NAV2: variants seen among roughly 807,000 people sequenced by gnomAD.
The protein encoded by NAV2 is neuron navigator 2.
A neutral mutation model predicts 223.2 loss-of-function variants in NAV2; 54 were observed. The ratio of observed to expected loss-of-function variants is 0.24; its 90% CI spans 0.19 to 0.30. The LOEUF (loss-of-function observed/expected upper bound fraction) is 0.30. Among genes scored for constraint, NAV2 ranks in the 10% least tolerant of loss-of-function variants. The probability of loss-of-function intolerance (pLI) is 1.00; values close to 1 mark genes in which losing one functional copy is unlikely to be tolerated. For missense variants in NAV2, 2,806 were observed against 3,147.5 expected (o/e 0.89, Z 2.60); for synonymous variants, 1,279 against 1,239.3 (o/e 1.03, Z -0.67).
At chr11:19,515,855 T>C (rs1226413674) in intron 1 of NAV2, among the ~76,000 whole-genome samples, 1 of 152,186 alleles carries the variant, frequency 6.6e-6, no homozygotes, top group African/African-American at 2.4e-5. Flanking sequence ...TGTTGGTTGA[T>C]GGGATGAGGC....
At chr11:19,388,154 C>A (rs117548208) in intron 1 of NAV2, among the ~76,000 whole-genome samples, 1 of 152,158 alleles carries the variant, frequency 6.6e-6, no homozygotes, top group Admixed American at 6.6e-5. Context: ...ATGGAAGGAA[C>A]GGGGTCAAGG....
At chr11:19,526,703 A>G (rs559209400) in intron 1 of NAV2, among the ~76,000 whole-genome samples, 1 of 152,230 alleles carries the variant, frequency 6.6e-6, no homozygotes, top group South Asian at 2.1e-4. Context: ...GCTCTCCTAC[A>G]GTCCCCTGAC....
intron 1 of NAV2, among the ~76,000 whole-genome samples, chr11:19,747,490 A>G (rs1482914723): frequency 6.6e-6 from 1 of 152,154 alleles, no homozygotes; most frequent in African/African-American, 2.4e-5. Flanking sequence ...TTCATTACAC[A>G]TTGTCAACAC....
chr11:19,476,285 A>G (rs60001111), intron 1 of NAV2, among the ~76,000 whole-genome samples: 16 of 152,150 alleles, frequency 1.1e-4, no homozygotes, highest in African/African-American at 3.4e-4. Context: ...TTCTTACACT[A>G]TTGTTTCTCT....
intron 11 of NAV2, among the ~76,000 whole-genome samples, chr11:20,019,816 C>T (rs578209471): frequency 6.6e-6 from 1 of 151,982 alleles, no homozygotes; most frequent in Non-Finnish European, 1.5e-5. Context: ...AGGGTAAGGA[C>T]AGAGAGTTGA....
At chr11:20,043,335 T>C (rs1255075762) in intron 12 of NAV2, among the ~76,000 whole-genome samples, 2 of 152,200 alleles carry the variant, frequency 1.3e-5, no homozygotes, top group African/African-American at 4.8e-5. Flanking sequence ...AAATAGGTGG[T>C]GGCTGAATTC....
intron 1 of NAV2, among the ~76,000 whole-genome samples, chr11:19,723,120 C>T (rs942196912): frequency 2.8e-4 from 43 of 152,046 alleles, no homozygotes; most frequent in African/African-American, 9.6e-4. Flanking sequence ...GGATGGAGGA[C>T]CTGAGAAGGG....
At chr11:19,575,321 G>A (rs774299284) in intron 1 of NAV2, 10 of 154,270 alleles carry the variant, frequency 6.5e-5, no homozygotes, top group Non-Finnish European at 1.0e-4. Context: ...CATGCTGGGC[G>A]AGGCTGGCAT....
rs527572582 is a variant in NAV2, at chr11:19,672,742, C to G, written c.76-159742C>G. 1.2e-3 allele frequency among the ~76,000 whole-genome samples: 183 copies of G among 152,228 alleles called. 1 individual carries two copies. The South Asian group carries it at 0.012, about 10-fold the overall frequency. On this transcript the variant is annotated intron_variant, in intron 1 of 37. Coordinates refer to the NAV2 transcript ENST00000360655. ...CACCTCCCACACCAACCAGCTCAGG[C>G]TCAGGATAGGCCCATGGGCAGGTTG...
At chr11:19,411,725 G>T (rs1232225960) in intron 1 of NAV2, among the ~76,000 whole-genome samples, 2 of 151,996 alleles carry the variant, frequency 1.3e-5, no homozygotes, top group Non-Finnish European at 2.9e-5. Context: ...GATAGCCAAG[G>T]GCTATCTAAA....
chr11:19,652,763 C>G (rs915147102), intron 1 of NAV2, among the ~76,000 whole-genome samples: 2 of 152,210 alleles, frequency 1.3e-5, no homozygotes, highest in African/African-American at 4.8e-5. Flanking sequence ...AAATGACTAC[C>G]AAGCTTTTTT....
At position 20,041,698 on chromosome 11, in the gene NAV2, G is replaced by T. The variant is rs751592713; in HGVS notation, c.2908-2283G>T. Among the ~76,000 whole-genome samples, 5 of 152,296 alleles carry T rather than the reference G, an allele frequency of 3.3e-5. No individual in the cohort carries two copies. In the South Asian group the frequency reaches 8.3e-4, roughly 25 times the overall value. On this transcript the variant is annotated intron_variant, in intron 12 of 37. Coordinates refer to ENST00000349880, the MANE Select transcript of NAV2 (RefSeq NM_145117.5). ...TAGTGCGAATAAGCTTTCCTGGCACGTAGTGGCACCCAATAAATATTTGTG... is the reference window on the plus strand; with the variant it reads ...TAGTGCGAATAAGCTTTCCTGGCACTTAGTGGCACCCAATAAATATTTGTG...
intron 11 of NAV2, 95 bp downstream of exon 11, chr11:19,984,342 A>C: frequency 6.4e-7 from 1 of 1,574,194 alleles, no homozygotes; most frequent in Non-Finnish European, 8.6e-7. Context: ...GTGAATGGAG[A>C]CTTGAACCCA....
At chr11:19,601,996 C>T (rs936567478) in intron 1 of NAV2, among the ~76,000 whole-genome samples, 1 of 152,156 alleles carries the variant, frequency 6.6e-6, no homozygotes, top group Non-Finnish European at 1.5e-5. Context: ...CCCACCAGGG[C>T]CCCATGGTCC....
At chr11:19,885,395 T>C (rs1350512560) in intron 5 of NAV2, among the ~76,000 whole-genome samples, 1 of 152,264 alleles carries the variant, frequency 6.6e-6, no homozygotes, top group Non-Finnish European at 1.5e-5. Flanking sequence ...CTTTTTAAAA[T>C]CTTACGTTTC....
intron 19 of NAV2, among the ~76,000 whole-genome samples, chr11:20,060,182 GA>G (rs1202663607): frequency 2.6e-5 from 4 of 152,212 alleles, no homozygotes; most frequent in African/African-American, 9.6e-5. Context: ...AAATAGAAAA[GA>G]AAAAACTTCC....
At chr11:19,634,486 A>G (rs1310421709) in intron 1 of NAV2, among the ~76,000 whole-genome samples, 1 of 152,214 alleles carries the variant, frequency 6.6e-6, no homozygotes, top group Non-Finnish European at 1.5e-5. Context: ...CTCCAAACCT[A>G]AAAGTTTTTT....
rs1054510998 is a variant in NAV2 at position 20,056,732 on chromosome 11, G to A, written c.4831+775G>A. ...TGCTCATTAACCAATGATAAGAATA[G>A]GAGTCAGACTAGCAGAGTTTAAATT... On this transcript the variant is annotated intron_variant, in intron 19 of 37. Coordinates refer to ENST00000349880, the MANE Select transcript of NAV2 (RefSeq NM_145117.5). 2.5e-5 allele frequency: 19 copies of A among 767,474 alleles called. No homozygotes were observed. The African/African-American group carries it at 3.3e-4, about 13-fold the overall frequency. The allele number at this position is 767,474 out of a possible 1,614,324, so 47.5% of individuals were successfully genotyped here.
rs1042317074 is a variant in NAV2, at chr11:20,010,639, A to T, written c.2769-25320A>T. Among the ~76,000 whole-genome samples, 6 of 152,294 alleles carry T rather than the reference A, an allele frequency of 3.9e-5. No homozygotes were observed. The South Asian group carries it at 1.2e-3, about 32-fold the overall frequency. Reference sequence around the variant, plus strand: ...TAATATATGTACAGCCGTGGCTTTTATCAAAATGTAGACATGCCTCTCATT... The same window carrying T: ...TAATATATGTACAGCCGTGGCTTTTTTCAAAATGTAGACATGCCTCTCATT... On this transcript the variant is annotated intron_variant, in intron 11 of 37. Coordinates refer to ENST00000349880, the MANE Select transcript of NAV2 (RefSeq NM_145117.5).
Sources: allele counts gnomAD v4.1 joint callset (sites outside exome capture counted in the v4.1 genomes callset), GRCh38; gene constraint gnomAD v4.1.1; transcripts MANE v1.5; gene names NCBI Gene and HGNC (gene_info 2026-07-23, HGNC 2026-07-21).